Variants in SLC25A48 observed in about 807,000 individuals in gnomAD.
SLC25A48 encodes solute carrier family 25 member 48, also known as CTC-321K16.1.
In SLC25A48, 29 loss-of-function variants were observed where a neutral mutation model predicts 32.2. That is an observed-to-expected ratio of 0.90 (90% CI 0.67 to 1.23). The LOEUF is 1.23. SLC25A48 is among the 50% of genes most tolerant of loss of function. The probability of loss-of-function intolerance (pLI) is 0.00; values close to 1 mark genes in which losing one functional copy is unlikely to be tolerated. For synonymous variants in SLC25A48, 164 were observed against 172.3 expected (o/e 0.95, Z 0.38); for missense variants, 399 against 422.7 (o/e 0.94, Z 0.49).
At chr5:135,692,047 G>A (rs1754155196) in intron 3 of SLC25A48, among the ~76,000 whole-genome samples, 1 of 152,214 alleles carries the variant, frequency 6.6e-6, no homozygotes, top group Non-Finnish European at 1.5e-5. Context: ...TCCGGGCGCG[G>A]TGGCTCACAC....
chr5:135,766,155 G>A (rs1238697557), intron 3 of SLC25A48, among the ~76,000 whole-genome samples: 1 of 151,750 alleles, frequency 6.6e-6, no homozygotes, highest in Non-Finnish European at 1.5e-5. Flanking sequence ...AGGGGAGAGG[G>A]TGATACTCCC....
chr5:135,881,614 A>G (rs1222471746), intron 7 of SLC25A48, among the ~76,000 whole-genome samples: 2 of 152,254 alleles, frequency 1.3e-5, no homozygotes, highest in Non-Finnish European at 2.9e-5. Flanking sequence ...GAAGGAATTC[A>G]TCTTATTCTT....
At chr5:135,611,753 A>G (rs1291593211) in intron 1 of SLC25A48, among the ~76,000 whole-genome samples, 1 of 152,104 alleles carries the variant, frequency 6.6e-6, no homozygotes, top group Non-Finnish European at 1.5e-5. Flanking sequence ...TATACTAACA[A>G]CCAACATTGT....
chr5:135,620,176 G>A (rs1025848877), intron 1 of SLC25A48, among the ~76,000 whole-genome samples: 3 of 152,316 alleles, frequency 2.0e-5, no homozygotes, highest in Non-Finnish European at 4.4e-5. Flanking sequence ...CACAGGTGAT[G>A]CATGTGGGTG....
intron 7 of SLC25A48, chr5:135,882,918 G>A (rs938885701): frequency 8.6e-5 from 27 of 314,954 alleles, no homozygotes; most frequent in East Asian, 5.1e-4. Flanking sequence ...AAATAGCCCC[G>A]GCAACCCTGA....
chr5:135,705,518 AT>A (rs1489251566), intron 3 of SLC25A48, among the ~76,000 whole-genome samples: 6 of 152,244 alleles, frequency 3.9e-5, no homozygotes, highest in Non-Finnish European at 8.8e-5. Context: ...AGCAATGATG[AT>A]GACAAAGCAT....
intron 1 of SLC25A48, among the ~76,000 whole-genome samples, chr5:135,597,779 G>A (rs1418855610): frequency 2.0e-5 from 3 of 152,140 alleles, no homozygotes; most frequent in East Asian, 1.9e-4. Flanking sequence ...AGAGGTGGGC[G>A]GATCACCTGA....
intron 3 of SLC25A48, among the ~76,000 whole-genome samples, chr5:135,640,044 A>T (rs986144989): frequency 3.3e-5 from 5 of 152,230 alleles, no homozygotes; most frequent in Admixed American, 3.3e-4. Flanking sequence ...AAAGGAAAAG[A>T]TGGACTTAAT....
intron 3 of SLC25A48, among the ~76,000 whole-genome samples, chr5:135,705,598 G>A (rs1029368022): frequency 1.4e-4 from 22 of 152,344 alleles, no homozygotes; most frequent in Admixed American, 3.3e-4. Context: ...GCCTACATAA[G>A]TGGTAACCTT....
At chr5:135,734,551 G>A (rs1271752289) in intron 3 of SLC25A48, among the ~76,000 whole-genome samples, 1 of 151,996 alleles carries the variant, frequency 6.6e-6, no homozygotes, top group Non-Finnish European at 1.5e-5. Context: ...GAAGGGGCCG[G>A]GTGCGGTGGC....
intron 3 of SLC25A48, among the ~76,000 whole-genome samples, chr5:135,787,332 G>A (rs34852032): frequency 0.24 from 37,196 of 151,854 alleles, 5,001 homozygotes; most frequent in East Asian, 0.44. Context: ...AGGGAGACAC[G>A]ACTTCTAATA....
chr5:135,618,876 G>A (rs1333977912), intron 1 of SLC25A48, among the ~76,000 whole-genome samples: 1 of 150,480 alleles, frequency 6.6e-6, no homozygotes, highest in East Asian at 1.9e-4. Context: ...TCTGATAGGG[G>A]TTCATTGATA....
At chr5:135,786,520 C>A (rs189332694) in intron 3 of SLC25A48, among the ~76,000 whole-genome samples, 1 of 152,000 alleles carries the variant, frequency 6.6e-6, no homozygotes, top group African/African-American at 2.4e-5. Context: ...TTAATGTCAC[C>A]GTGGCTGTAT....
intron 3 of SLC25A48, among the ~76,000 whole-genome samples, chr5:135,796,968 T>C (rs953315354): frequency 6.6e-6 from 1 of 151,636 alleles, no homozygotes; most frequent in Non-Finnish European, 1.5e-5. Context: ...TCTCCCAATA[T>C]CAAGGGTGGT....
chr5:135,679,228 A>G (rs922884995), intron 3 of SLC25A48, among the ~76,000 whole-genome samples: 16 of 152,230 alleles, frequency 1.1e-4, no homozygotes, highest in African/African-American at 3.9e-4. Context: ...GTGGGTGCCT[A>G]CTATGGTGGT....
intron 3 of SLC25A48, among the ~76,000 whole-genome samples, chr5:135,703,153 C>G (rs1050351829): frequency 6.6e-6 from 1 of 152,206 alleles, no homozygotes; most frequent in Non-Finnish European, 1.5e-5. Context: ...GGCAGATGCA[C>G]AGGCTTGTGT....
At chr5:135,661,902 T>G (rs1316393845) in intron 3 of SLC25A48, among the ~76,000 whole-genome samples, 2 of 152,168 alleles carry the variant, frequency 1.3e-5, no homozygotes, top group African/African-American at 4.8e-5. Context: ...GAACGTTCAG[T>G]TTGTGTCCAA....
intron 3 of SLC25A48, among the ~76,000 whole-genome samples, chr5:135,798,396 C>A (rs1011739583): frequency 2.6e-5 from 4 of 151,576 alleles, no homozygotes; most frequent in Non-Finnish European, 5.9e-5. Context: ...AGAGATTGTA[C>A]AACCCTCTTG....
chr5:135,580,477 A>G (rs969478337), intron 1 of SLC25A48, among the ~76,000 whole-genome samples: 1 of 152,166 alleles, frequency 6.6e-6, no homozygotes, highest in Admixed American at 6.6e-5. Flanking sequence ...GAAGGGTGCA[A>G]TGGGAAGAAT....
Sources: gnomAD v4.1 joint callset for allele counts (sites outside exome capture counted in the v4.1 genomes callset) on GRCh38, gnomAD v4.1.1 for gene constraint, MANE v1.5 for transcripts, NCBI Gene and HGNC (gene_info 2026-07-23, HGNC 2026-07-21) for gene names.